Variants in PCDH9 observed in about 807,000 individuals in gnomAD.
The protein encoded by PCDH9 is protocadherin 9.
Under a neutral mutation model 70.6 loss-of-function variants are expected in PCDH9, and 24 were observed. The ratio of observed to expected loss-of-function variants is 0.34; its 90% CI spans 0.25 to 0.48. The LOEUF is 0.48. Ranked by LOEUF, PCDH9 falls within the 20% of genes least tolerant of loss-of-function variation. PCDH9 has a pLI of 0.99. For missense variants in PCDH9, 1,281 were observed against 1,503.6 expected (o/e 0.85, Z 2.45); for synonymous variants, 562 against 558.5 (o/e 1.01, Z -0.09).
chr13:66,604,161 T>A (rs796972698), intron 4 of PCDH9, among the ~76,000 whole-genome samples: 6 of 152,180 alleles, frequency 3.9e-5, no homozygotes, highest in African/African-American at 1.4e-4. Context: ...TCACACTTTA[T>A]TCTCTTATGC....
chr13:66,508,410 T>C (rs1593594688), intron 4 of PCDH9, among the ~76,000 whole-genome samples: 1 of 152,230 alleles, frequency 6.6e-6, no homozygotes, highest in East Asian at 1.9e-4. Context: ...TTTTATGTTA[T>C]GTGGATTTCA....
intron 2 of PCDH9, among the ~76,000 whole-genome samples, chr13:67,043,153 G>T (rs1002074299): frequency 1.3e-5 from 2 of 152,100 alleles, no homozygotes; most frequent in East Asian, 3.9e-4. Context: ...TTATCCTCAA[G>T]GGATAAGAAA....
At chr13:66,334,578 C>G (rs1216353363) in intron 4 of PCDH9, among the ~76,000 whole-genome samples, 2 of 152,050 alleles carry the variant, frequency 1.3e-5, no homozygotes, top group Non-Finnish European at 2.9e-5. Context: ...CCAGCCTCCA[C>G]AACAATGTGA....
chr13:67,182,962 A>G (rs1329160361), intron 2 of PCDH9, among the ~76,000 whole-genome samples: 1 of 152,162 alleles, frequency 6.6e-6, no homozygotes, highest in Non-Finnish European at 1.5e-5. Flanking sequence ...AATGAACAAG[A>G]ATGGCCCTAT....
chr13:66,902,885 A>C (rs1227470492), intron 3 of PCDH9, among the ~76,000 whole-genome samples: 3 of 151,652 alleles, frequency 2.0e-5, no homozygotes, highest in African/African-American at 7.3e-5. Flanking sequence ...CACTGGAAAA[A>C]CCCTTCCAAC....
intron 4 of PCDH9, among the ~76,000 whole-genome samples, chr13:66,593,978 AGTG>A (rs2077070251): frequency 6.6e-6 from 1 of 151,634 alleles, no homozygotes; most frequent in South Asian, 2.1e-4. Context: ...TTTCAGGAAT[AGTG>A]GTGTTTTGGA....
At chr13:67,214,960 A>ATATATATATGTATATATATATATATATG (rs2089564920) in intron 2 of PCDH9, 1 of 76,434 alleles carries the variant, frequency 1.3e-5, no homozygotes, top group Non-Finnish European at 2.8e-5. Context: ...ATATATATAT[A>ATATATATATGTATATATATATATATATG]TATATATATA....
At chr13:66,420,197 C>T (rs1326107266) in intron 4 of PCDH9, among the ~76,000 whole-genome samples, 4 of 152,154 alleles carry the variant, frequency 2.6e-5, no homozygotes, top group African/African-American at 7.2e-5. Flanking sequence ...ATAAAACTGC[C>T]ATCTCCCTGG....
intron 2 of PCDH9, among the ~76,000 whole-genome samples, chr13:67,183,269 C>T (rs938335966): frequency 6.6e-6 from 1 of 151,998 alleles, no homozygotes; most frequent in African/African-American, 2.4e-5. Flanking sequence ...GGACTCCTAA[C>T]TATTAAGAAA....
intron 3 of PCDH9, among the ~76,000 whole-genome samples, chr13:66,774,109 T>C (rs893539943): frequency 9.2e-5 from 14 of 152,158 alleles, no homozygotes; most frequent in Non-Finnish European, 1.8e-4. Flanking sequence ...AACATTTGCA[T>C]TGAGAAACAA....
rs562056616 is a variant in PCDH9, at chr13:67,020,741, G to A, written c.3037-117136C>T. Among the ~76,000 whole-genome samples, 3 of 152,296 alleles carry A rather than the reference G, an allele frequency of 2.0e-5. No individual in the cohort carries two copies. In the East Asian group the frequency reaches 5.8e-4, roughly 29 times the overall value. ...TCTAGCCAGTTATAACATATCATATGTGGAGTCATGGGAAGAGAATCATCA... is the reference window on the plus strand; with the variant it reads ...TCTAGCCAGTTATAACATATCATATATGGAGTCATGGGAAGAGAATCATCA... On this transcript the variant is annotated intron_variant, in intron 2 of 4. Transcript: ENST00000377865.
At chr13:66,996,345 T>C (rs2084115247) in intron 2 of PCDH9, 1 of 152,046 alleles carries the variant, frequency 6.6e-6, no homozygotes, top group Non-Finnish European at 1.5e-5. Flanking sequence ...TGTTAGAACA[T>C]TAGTGTTTAA....
intron 2 of PCDH9, among the ~76,000 whole-genome samples, chr13:67,117,022 A>G (rs1173766598): frequency 6.6e-6 from 1 of 152,192 alleles, no homozygotes; most frequent in Admixed American, 6.5e-5. Context: ...TGGAGTGGAG[A>G]AAGATGAGCT....
intron 2 of PCDH9, among the ~76,000 whole-genome samples, chr13:67,145,256 A>C (rs181635124): frequency 5.1e-4 from 78 of 152,176 alleles, no homozygotes; most frequent in African/African-American, 1.4e-3. Context: ...TCAAAGAGGA[A>C]GTTTTCAAGA....
intron 4 of PCDH9, among the ~76,000 whole-genome samples, chr13:66,587,998 C>A (rs1006420709): frequency 2.6e-5 from 4 of 152,028 alleles, no homozygotes. Context: ...CTCCCTCTTG[C>A]AGCTATCTTG....
chr13:66,341,465 G>T (rs1956122710), intron 4 of PCDH9, among the ~76,000 whole-genome samples: 1 of 152,154 alleles, frequency 6.6e-6, no homozygotes, highest in Non-Finnish European at 1.5e-5. Context: ...TGTGCCACAA[G>T]GAGCTGTGGC....
chr13:67,108,458 A>G (rs1333433247), intron 2 of PCDH9, among the ~76,000 whole-genome samples: 1 of 152,268 alleles, frequency 6.6e-6, no homozygotes, highest in Non-Finnish European at 1.5e-5. Flanking sequence ...AGGCAGATAC[A>G]TTAAAAAACT....
intron 4 of PCDH9, among the ~76,000 whole-genome samples, chr13:66,499,706 G>C (rs984926649): frequency 2.0e-5 from 3 of 152,196 alleles, no homozygotes; most frequent in Non-Finnish European, 4.4e-5. Context: ...AACTGATATA[G>C]GTTGAATGTT....
chr13:66,631,687 A>G (rs1358712126), intron 3 of PCDH9, among the ~76,000 whole-genome samples: 1 of 152,218 alleles, frequency 6.6e-6, no homozygotes, highest in Non-Finnish European at 1.5e-5. Context: ...GCAAAACAAA[A>G]CTAAACAAAA....
Sources: allele counts gnomAD v4.1 joint callset (sites outside exome capture counted in the v4.1 genomes callset), GRCh38; gene constraint gnomAD v4.1.1; transcripts MANE v1.5; gene names NCBI Gene and HGNC (gene_info 2026-07-23, HGNC 2026-07-21).